CFAP91: variants seen among roughly 807,000 people sequenced by gnomAD.
The protein encoded by CFAP91 is cilia and flagella associated protein 91.
A neutral mutation model predicts 95.9 loss-of-function variants in CFAP91; 85 were observed. The ratio of observed to expected loss-of-function variants is 0.89; its 90% CI spans 0.74 to 1.06. The LOEUF (loss-of-function observed/expected upper bound fraction) is 1.06. Ranked by LOEUF, CFAP91 falls within the 50% of genes least tolerant of loss-of-function variation. The probability of loss-of-function intolerance (pLI) is 0.00; values close to 1 mark genes in which losing one functional copy is unlikely to be tolerated. For missense variants in CFAP91, 962 were observed against 943.4 expected (o/e 1.02, Z -0.26); for synonymous variants, 335 against 327.5 (o/e 1.02, Z -0.25).
chr3:119,737,393 C>T lies in CFAP91; in HGVS notation c.1372C>T (p.Leu458Phe). ...ACTGTTGGATAAGAAGAATAAAGTT[C>T]TTGAAGTAAAGAAACCCCCTCGCTT... ...KALLDKKNKV[L>F]EVKKPPRFLQ... is the part of the protein sequence containing the mutation. Residue 458 changes from leucine to phenylalanine, a missense_variant, in exon 11 of 18, where the codon CTT becomes TTT. Coordinates refer to ENST00000273390, the MANE Select transcript of CFAP91 (RefSeq NM_033364.4). 6.2e-7 allele frequency: 1 copy of T among 1,605,214 alleles called. No homozygotes were observed. Among genetic ancestry groups the T allele is most frequent in the Non-Finnish European group, 8.5e-7 (1 of 1,175,652 alleles).
chr3:119,729,643 C>CAA (rs1268200531), intron 7 of CFAP91, among the ~76,000 whole-genome samples: 87 of 110,466 alleles, frequency 7.9e-4, no homozygotes, highest in African/African-American at 2.6e-3. Context: ...GACTCTGTCT[C>CAA]AAAAAAAAAA....
At chr3:119,757,876 A>T (rs1355471133) in intron 17 of CFAP91, among the ~76,000 whole-genome samples, 1 of 152,020 alleles carries the variant, frequency 6.6e-6, no homozygotes, top group Non-Finnish European at 1.5e-5. Context: ...TTTCCCATAT[A>T]ATGTTAGCTT....
chr3:119,747,679 T>C, intron 15 of CFAP91, 132 bp from the exon 16 acceptor site: 1 of 766,100 alleles, frequency 1.3e-6, no homozygotes, highest in Non-Finnish European at 2.0e-6. Flanking sequence ...GAATGTGATA[T>C]TTCAGATCAC....
At chr3:119,760,243 A>C (rs980807609) in intron 17 of CFAP91, among the ~76,000 whole-genome samples, 1 of 151,940 alleles carries the variant, frequency 6.6e-6, no homozygotes, top group Admixed American at 6.6e-5. Context: ...CTAAACTTAC[A>C]TCAGATAAAA....
At chr3:119,736,053 C>T (rs1015669435) in intron 10 of CFAP91, among the ~76,000 whole-genome samples, 17 of 151,026 alleles carry the variant, frequency 1.1e-4, no homozygotes, top group African/African-American at 2.7e-4. Context: ...TTTTGGGGAG[C>T]GGGGGGAATG....
intron 10 of CFAP91, among the ~76,000 whole-genome samples, chr3:119,733,859 T>C (rs2053948943): frequency 6.6e-6 from 1 of 152,234 alleles, no homozygotes. Context: ...TTTGTGTTCA[T>C]GTGATCAGGG....
At chr3:119,735,979 T>A (rs144317380) in intron 10 of CFAP91, among the ~76,000 whole-genome samples, 32 of 152,276 alleles carry the variant, frequency 2.1e-4, no homozygotes, top group Non-Finnish European at 2.9e-4. Flanking sequence ...TTTTTTTTTT[T>A]TATAATTTCT....
intron 17 of CFAP91, among the ~76,000 whole-genome samples, chr3:119,754,822 A>G (rs1442507098): frequency 2.6e-5 from 4 of 152,166 alleles, no homozygotes; most frequent in African/African-American, 7.2e-5. Flanking sequence ...ACCTAGAGCC[A>G]TGGGGATGGG....
At chr3:119,733,120 G>A (rs966537090) in intron 9 of CFAP91, among the ~76,000 whole-genome samples, 4 of 152,116 alleles carry the variant, frequency 2.6e-5, no homozygotes, top group Admixed American at 6.5e-5. Context: ...CTACTTTTTT[G>A]TAGGGCAATA....
intron 1 of CFAP91, among the ~76,000 whole-genome samples, chr3:119,703,698 T>G (rs2053304225): frequency 6.6e-6 from 1 of 152,182 alleles, no homozygotes; most frequent in Non-Finnish European, 1.5e-5. Context: ...GTCAAAGCAT[T>G]GCTTATAGAC....
chr3:119,756,645 C>T (rs1158202770), intron 17 of CFAP91, among the ~76,000 whole-genome samples: 1 of 152,120 alleles, frequency 6.6e-6, no homozygotes, highest in Non-Finnish European at 1.5e-5. Context: ...TTCTAAGGCA[C>T]TTGCATTGTT....
intron 1 of CFAP91, among the ~76,000 whole-genome samples, chr3:119,704,174 C>T (rs986573754): frequency 6.6e-6 from 1 of 152,156 alleles, no homozygotes; most frequent in Non-Finnish European, 1.5e-5. Context: ...AACACATCAC[C>T]ATGTTTTTTT....
intron 4 of CFAP91, among the ~76,000 whole-genome samples, chr3:119,709,034 C>T (rs73857234): frequency 0.035 from 5,289 of 152,302 alleles, 318 homozygotes; most frequent in African/African-American, 0.12. Context: ...GAACGACACA[C>T]AGTTGGAGAT....
rs770777389 is a variant in CFAP91, at chr3:119,736,268, GTTTTTTTTTT to G, written c.1345-1086_1345-1077del. Among the ~76,000 whole-genome samples, 436 of 85,328 alleles carry G rather than the reference GTTTTTTTTTT, an allele frequency of 5.1e-3. 7 individuals carry two copies. The highest frequency in any genetic ancestry group is 5.2e-3 in the Non-Finnish European group (231 of 44,518). The allele number at this position is 85,328 out of a possible 152,430, so 56.0% of individuals were successfully genotyped here. A position where few individuals can be genotyped will look rare whatever the true frequency, so the allele number is the denominator to read the frequency against. ...ACCACTATTCTACTTTCTTTCTATT[GTTTTTTTTTT>G]TTTTTTTTTTTGAGTTGGAATCTCA... On this transcript the variant is annotated intron_variant, in intron 10 of 17. Coordinates refer to ENST00000273390, the MANE Select transcript of CFAP91 (RefSeq NM_033364.4).
Position 119,744,213 on chromosome 3 carries a change from G to T in CFAP91, c.1902+17G>T, listed in dbSNP as rs779263153. On this transcript the variant is annotated intron_variant, in intron 14 of 17. Transcript: ENST00000273390. ...TTTAAGGAGGCAAGTAGGGGCAGCTGGGTGTGTGGAAGCTGCCTAGAAGGA... is the reference window on the plus strand; with the variant it reads ...TTTAAGGAGGCAAGTAGGGGCAGCTTGGTGTGTGGAAGCTGCCTAGAAGGA... The T allele has an allele frequency of 3.1e-6, 5 of 1,588,708 alleles. No individual in the cohort carries two copies. Among genetic ancestry groups the T allele is most frequent in the Non-Finnish European group, 4.3e-6 (5 of 1,162,738 alleles).
chr3:119,730,152 G>A (rs1156896054), intron 7 of CFAP91, 68 bp from the exon 8 acceptor site: 31 of 1,486,292 alleles, frequency 2.1e-5, no homozygotes, highest in Non-Finnish European at 2.8e-5. Flanking sequence ...GCCTGTCTGT[G>A]GCAGCTGTTC....
At chr3:119,734,356 C>G (rs1056118285) in intron 10 of CFAP91, among the ~76,000 whole-genome samples, 37 of 152,130 alleles carry the variant, frequency 2.4e-4, no homozygotes, top group African/African-American at 7.7e-4. Flanking sequence ...TGGTTCTTTC[C>G]CACCTCATCC....
intron 7 of CFAP91, among the ~76,000 whole-genome samples, chr3:119,729,718 T>G (rs1559756623): frequency 5.3e-5 from 8 of 151,866 alleles, no homozygotes; most frequent in Non-Finnish European, 1.5e-5. Flanking sequence ...CATTGTTGGA[T>G]GCACATGAGC....
chr3:119,711,238 G>A (rs953113042), intron 5 of CFAP91, among the ~76,000 whole-genome samples: 6 of 152,126 alleles, frequency 3.9e-5, no homozygotes, highest in African/African-American at 1.4e-4. Flanking sequence ...TCTTTATAGA[G>A]ATGGAGTACA....
Sources: gnomAD v4.1 joint callset for allele counts (sites outside exome capture counted in the v4.1 genomes callset) on GRCh38, gnomAD v4.1.1 for gene constraint, MANE v1.5 for transcripts, NCBI Gene and HGNC (gene_info 2026-07-23, HGNC 2026-07-21) for gene names.